NRG4: variants seen among roughly 807,000 people sequenced by gnomAD.
NRG4 encodes neuregulin 4.
A neutral mutation model predicts 15.0 loss-of-function variants in NRG4; 10 were observed. The observed-to-expected ratio is 0.67, with a 90% CI of 0.41 to 1.13. The LOEUF (loss-of-function observed/expected upper bound fraction) is 1.13, where lower values mean the gene tolerates loss of function less well. NRG4 is among the 50% of genes most tolerant of loss of function. The pLI is 0.00. For synonymous variants in NRG4, 41 were observed against 50.1 expected, an observed-to-expected ratio of 0.82 and a Z score of 0.77; for missense variants, 139 against 140.2, an observed-to-expected ratio of 0.99 and a Z score of 0.04.
intron 3 of NRG4, among the ~76,000 whole-genome samples, chr15:75,997,802 T>C (rs2034268098): frequency 6.6e-6 from 1 of 152,146 alleles, no homozygotes; most frequent in Non-Finnish European, 1.5e-5. Flanking sequence ...AAATGAGAGC[T>C]GGAGTTTTTC....
rs1331843192 is a variant in NRG4 at position 75,942,618 on chromosome 15, A to G, written c.*1020T>C. ...AATGAATTGGTGACACTAGTGACCC[A>G]CTGAATTCACAGCACTTACACTGGG... On this transcript the variant is annotated 3_prime_UTR_variant, in exon 6 of 6. Transcript: ENST00000394907. 6.6e-6 allele frequency: 1 copy of G among 152,226 alleles called. No individual in the cohort carries two copies. The highest frequency in any genetic ancestry group is 1.5e-5 in the Non-Finnish European group (1 of 68,060). 9.4% of individuals were successfully genotyped at this position (152,226 alleles called of 1,614,324 possible).
chr15:75,943,607 A>G lies in NRG4; in HGVS notation c.*31T>C, dbSNP rs1241196485. The stretch of plus-strand genomic sequence containing the variant: ...TTCATTTTCTGCCTTTGTAAAATAA[A>G]AACAATGATTTGGTTCACTTTGACG... On this transcript the variant is annotated 3_prime_UTR_variant, in exon 6 of 6. Transcript: ENST00000394907. 1 of 1,454,122 alleles carries G rather than the reference A, an allele frequency of 6.9e-7. No homozygotes were observed. Among genetic ancestry groups the G allele is most frequent in the Non-Finnish European group, 9.6e-7 (1 of 1,039,230 alleles). The allele number at this position is 1,454,122 out of a possible 1,614,324, so 90.1% of individuals were successfully genotyped here. A position where few individuals can be genotyped will look rare whatever the true frequency, so the allele number is the denominator to read the frequency against.
intron 4 of NRG4, among the ~76,000 whole-genome samples, chr15:76,051,043 T>C (rs1032218980): frequency 4.7e-5 from 7 of 149,188 alleles, no homozygotes; most frequent in African/African-American, 1.8e-4. Context: ...TCTCGCTCTG[T>C]CGCCCAGGCT....
intron 5 of NRG4, chr15:75,950,475 GT>G (rs1388629425): frequency 4.3e-6 from 1 of 231,138 alleles, no homozygotes; most frequent in Non-Finnish European, 9.8e-6. Flanking sequence ...GGTCAGTGGA[GT>G]CACTCTCTGG....
At chr15:75,938,915 G>A (rs964016073), downstream of NRG4, 1 of 152,010 alleles carries the variant, frequency 6.6e-6, no homozygotes, top group African/African-American at 2.4e-5. Context: ...AAATTAAAAA[G>A]AGAAAAATGC....
At chr15:75,996,868 A>G (rs2141883047) in intron 3 of NRG4, among the ~76,000 whole-genome samples, 1 of 152,318 alleles carries the variant, frequency 6.6e-6, no homozygotes, top group South Asian at 2.1e-4. Flanking sequence ...TATCCATATT[A>G]CACATCACTA....
rs112518271 is a variant in NRG4, at chr15:75,990,690, T to G, written c.104+18510A>C. ...GTAATTGTTTTTTTTTTTTGTTTTT[T>G]TTTTTTTTGAGACAGGGTCTATGCT... On this transcript the variant is annotated intron_variant, in intron 3 of 5. Transcript: ENST00000394907. Among the ~76,000 whole-genome samples, 43 of 149,186 alleles carry G rather than the reference T, an allele frequency of 2.9e-4. No individual in the cohort carries two copies. The Middle Eastern group carries it at 0.01, about 36-fold the overall frequency.
chr15:75,989,993 G>A (rs558738194), intron 3 of NRG4, among the ~76,000 whole-genome samples: 4 of 152,176 alleles, frequency 2.6e-5, no homozygotes, highest in South Asian at 2.1e-4. Context: ...GCCGACTTTC[G>A]CTCTAATCCT....
At chr15:76,028,999 A>T (rs1205126548) in intron 5 of NRG4, among the ~76,000 whole-genome samples, 1 of 152,120 alleles carries the variant, frequency 6.6e-6, no homozygotes, top group Non-Finnish European at 1.5e-5. Flanking sequence ...ACACAACAGA[A>T]AGAGAAACTA....
chr15:75,988,853 CTTT>C lies in NRG4; in HGVS notation c.104+20344_104+20346del, dbSNP rs71444946. Among the ~76,000 whole-genome samples, 270 of 109,650 alleles carry C rather than the reference CTTT, an allele frequency of 2.5e-3. 1 individual carries two copies. The highest frequency in any genetic ancestry group is 8.9e-3 in the African/African-American group (258 of 29,020). The allele number at this position is 109,650 out of a possible 152,430, so 71.9% of individuals were successfully genotyped here. ...ATAGAATCTAGAATCCTGCACCTTC[CTTT>C]TTTTTTTTTTTTTTTTTTTGAGACA... On this transcript the variant is annotated intron_variant, in intron 3 of 5. Transcript: ENST00000394907.
chr15:75,993,697 CAA>C (rs61345409), intron 3 of NRG4, among the ~76,000 whole-genome samples: 3 of 136,162 alleles, frequency 2.2e-5, no homozygotes, highest in African/African-American at 2.7e-5. Flanking sequence ...GACTCACTCT[CAA>C]AAAAAAAAAA....
At chr15:75,964,309 A>G (rs2032682456) in intron 3 of NRG4, among the ~76,000 whole-genome samples, 2 of 152,084 alleles carry the variant, frequency 1.3e-5, no homozygotes, top group Non-Finnish European at 2.9e-5. Flanking sequence ...TATCTTTAAA[A>G]TAACAAAAAT....
downstream of NRG4, chr15:75,936,100 C>G (rs1227615177): frequency 6.6e-6 from 1 of 152,092 alleles, no homozygotes; most frequent in Non-Finnish European, 1.5e-5. Flanking sequence ...AATCTGAGAA[C>G]TTTCTATGCA....
At chr15:76,040,712 G>T (rs2035715047) in intron 4 of NRG4, among the ~76,000 whole-genome samples, 1 of 152,178 alleles carries the variant, frequency 6.6e-6, no homozygotes, top group Non-Finnish European at 1.5e-5. Context: ...ATCATTTGAG[G>T]TCAGGAGTTC....
At chr15:75,999,857 A>G (rs1266195065) in intron 3 of NRG4, among the ~76,000 whole-genome samples, 1 of 152,108 alleles carries the variant, frequency 6.6e-6, no homozygotes, top group Non-Finnish European at 1.5e-5. Flanking sequence ...GTAACATAGT[A>G]AGACCTAAAA....
At chr15:76,007,779 G>A (rs997036318) in intron 3 of NRG4, among the ~76,000 whole-genome samples, 6 of 152,142 alleles carry the variant, frequency 3.9e-5, no homozygotes, top group Non-Finnish European at 8.8e-5. Flanking sequence ...AACATTCTAC[G>A]TGCCATATCA....
chr15:76,050,933 G>A (rs2035992732), intron 4 of NRG4, among the ~76,000 whole-genome samples: 1 of 149,924 alleles, frequency 6.7e-6, no homozygotes, highest in Non-Finnish European at 1.5e-5. Flanking sequence ...AGCCTACCAA[G>A]TAGCCAGGAC....
intron 5 of NRG4, among the ~76,000 whole-genome samples, chr15:75,948,199 C>G (rs2031648327): frequency 6.6e-6 from 1 of 152,108 alleles, no homozygotes; most frequent in African/African-American, 2.4e-5. Flanking sequence ...GCTGCCTGTG[C>G]TTTTGGTGTA....
In NRG4 at chr15:75,947,342, CTCA is replaced by C. The variant is rs2031589291; in HGVS notation, c.332-3691_332-3689del. Among the ~76,000 whole-genome samples, 6 of 152,320 alleles carry C rather than the reference CTCA, an allele frequency of 3.9e-5. No homozygotes were observed. In the South Asian group the frequency reaches 1.0e-3, roughly 26 times the overall value. On this transcript the variant is annotated intron_variant, in intron 5 of 5. Coordinates refer to ENST00000394907, the MANE Select transcript of NRG4 (RefSeq NM_138573.4). ...TACTAGTAACAGCTCTTCCCACCTC[CTCA>C]TGAGTAATAATCTAAGACTCCCAGA... is the stretch of plus-strand genomic sequence containing the variant.
Sources: allele counts gnomAD v4.1 joint callset (sites outside exome capture counted in the v4.1 genomes callset), GRCh38; gene constraint gnomAD v4.1.1; transcripts MANE v1.5; gene names NCBI Gene and HGNC (gene_info 2026-07-23, HGNC 2026-07-21).